Variants in SV2B observed in about 807,000 individuals in gnomAD.
SV2B encodes synaptic vesicle glycoprotein 2B, also known as solute carrier family 22 member B2.
A neutral mutation model predicts 73.9 loss-of-function variants in SV2B; 41 were observed. The observed-to-expected ratio is 0.56, with a 90% CI of 0.43 to 0.72. SV2B has a LOEUF of 0.72. SV2B is among the 30% of genes least tolerant of loss of function. The probability of loss-of-function intolerance (pLI) is 0.00; values close to 1 mark genes in which losing one functional copy is unlikely to be tolerated. For synonymous variants in SV2B, 314 were observed against 314.2 expected (o/e 1.00, Z 0.01); for missense variants, 764 against 857.8 (o/e 0.89, Z 1.37).
chr15:91,195,054 T>C (rs936609617), intron 1 of SV2B, among the ~76,000 whole-genome samples: 36 of 152,168 alleles, frequency 2.4e-4, no homozygotes, highest in African/African-American at 8.5e-4. Flanking sequence ...AACTCTTACT[T>C]GTTTTAAGTC....
At chr15:91,190,952 A>G (rs2044987835) in intron 1 of SV2B, among the ~76,000 whole-genome samples, 1 of 149,750 alleles carries the variant, frequency 6.7e-6, no homozygotes, top group African/African-American at 2.5e-5. Context: ...TTCTTGATCT[A>G]GTGTTTTGTC....
At chr15:91,188,221 G>A (rs1204755690) in intron 1 of SV2B, among the ~76,000 whole-genome samples, 1 of 152,048 alleles carries the variant, frequency 6.6e-6, no homozygotes, top group East Asian at 1.9e-4. Flanking sequence ...GGGACTGTCT[G>A]TAGATTATGT....
rs911748349 is a variant in SV2B, at chr15:91,137,683, TACAC to T, written c.-392+37332_-392+37335del. 7.8e-4 allele frequency among the ~76,000 whole-genome samples: 115 copies of T among 148,302 alleles called. No individual in the cohort carries two copies. Among genetic ancestry groups the T allele is most frequent in the Non-Finnish European group, 1.4e-3 (94 of 67,244 alleles). On this transcript the variant is annotated intron_variant, in intron 1 of 12. Coordinates refer to ENST00000394232, the MANE Select transcript of SV2B (RefSeq NM_001323032.3). This position sits in a 1 kb window ranked among gnomAD's most constrained non-coding sequence, Gnocchi z 4.9. ...TATATACATATATTTCATATATATA[TACAC>T]ACACACACACATTTGCACAGGTTAT... is the stretch of plus-strand genomic sequence containing the variant.
rs2048130367 is a variant in SV2B, at chr15:91,267,060, C to G, written c.1119+368C>G. 5.3e-6 allele frequency: 1 copy of G among 186,988 alleles called. No homozygotes were observed. The highest frequency in any genetic ancestry group is 1.1e-5 in the Non-Finnish European group (1 of 90,906). 11.6% of individuals were successfully genotyped at this position (186,988 alleles called of 1,614,324 possible). A position where few individuals can be genotyped will look rare whatever the true frequency, so the allele number is the denominator to read the frequency against. ...CCCCTTGAGGCTTGTTCTTGATTTC[C>G]AAGAAACATTTTTCTAAAAGGGCAA... On this transcript the variant is annotated intron_variant, in intron 7 of 12. Coordinates refer to ENST00000394232, the MANE Select transcript of SV2B (RefSeq NM_001323032.3). The surrounding 1 kb of genome is among the most constrained non-coding windows in gnomAD (Gnocchi z 4.3).
At chr15:91,255,574 T>C (rs926830615) in intron 4 of SV2B, among the ~76,000 whole-genome samples, 1 of 152,092 alleles carries the variant, frequency 6.6e-6, no homozygotes, top group Non-Finnish European at 1.5e-5. Context: ...ACTAGAGAAC[T>C]TACTCATGTA....
chr15:91,251,816 C>T lies in SV2B; in HGVS notation c.452-3C>T, dbSNP rs756099651. 10 of 1,613,810 alleles carry T rather than the reference C, an allele frequency of 6.2e-6. No individual in the cohort carries two copies. In the African/African-American group the frequency reaches 9.3e-5, roughly 15 times the overall value. On this transcript the variant is annotated splice_region_variant and splice_polypyrimidine_tract_variant and intron_variant, in intron 2 of 12. Coordinates refer to ENST00000394232, the MANE Select transcript of SV2B (RefSeq NM_001323032.3). ...TTCTCTCCTCTCCTCCCCCTCATTG[C>T]AGGGATGATAGTCTACTTGGGAATG...
chr15:91,111,829 A>T (rs2042043178), intron 1 of SV2B, among the ~76,000 whole-genome samples: 1 of 152,140 alleles, frequency 6.6e-6, no homozygotes, highest in Admixed American at 6.5e-5. Context: ...AGGCAAAGAG[A>T]CAGCAGGCAT....
rs2042138823 is a variant in SV2B, at chr15:91,115,012, G to T, written c.-392+14649G>T. 6.6e-6 allele frequency among the ~76,000 whole-genome samples: 1 copy of T among 152,120 alleles called. No homozygotes were observed. Among genetic ancestry groups the T allele is most frequent in the Non-Finnish European group, 1.5e-5 (1 of 68,010 alleles). On this transcript the variant is annotated intron_variant, in intron 1 of 12. Coordinates refer to ENST00000394232, the MANE Select transcript of SV2B (RefSeq NM_001323032.3). This position sits in a 1 kb window ranked among gnomAD's most constrained non-coding sequence, Gnocchi z 4.3. ...CTGGGGTCACATGCCCATTCCTGAG[G>T]GCACCATCACTATGACTCCCAAGAT...
chr15:91,267,421 G>C lies in SV2B; in HGVS notation c.1120-134G>C. On this transcript the variant is annotated intron_variant, in intron 7 of 12. Coordinates refer to ENST00000394232, the MANE Select transcript of SV2B (RefSeq NM_001323032.3). The surrounding 1 kb of genome is among the most constrained non-coding windows in gnomAD (Gnocchi z 4.3). ...ATTTGGACAGTTTTGCTGCCTCTAG[G>C]AGACAGTGGGGTACCGGTTCTCTCC... 1.4e-6 allele frequency: 1 copy of C among 716,086 alleles called. No homozygotes were observed. The highest frequency in any genetic ancestry group is 2.4e-6 in the Non-Finnish European group (1 of 411,904). 44.4% of individuals were successfully genotyped at this position (716,086 alleles called of 1,614,324 possible).
In SV2B at chr15:91,258,138, C is replaced by G. The variant is rs181013917; in HGVS notation, c.785-283C>G. 2.7e-3 allele frequency among the ~76,000 whole-genome samples: 417 copies of G among 152,334 alleles called. 2 individuals are homozygous for G. The highest frequency in any genetic ancestry group is 6.8e-3 in the Middle Eastern group (2 of 294). The stretch of plus-strand genomic sequence containing the variant: ...AGGCTCTGTAAATGTCAGGCCAGGC[C>G]TGGACCTGGGGATTTGTCAGAATGC... On this transcript the variant is annotated intron_variant, in intron 4 of 12. Coordinates refer to ENST00000394232, the MANE Select transcript of SV2B (RefSeq NM_001323032.3). The surrounding 1 kb of genome is among the most constrained non-coding windows in gnomAD (Gnocchi z 4.7).
rs571123025 is a variant in SV2B at position 91,294,547 on chromosome 15, A to G, written c.*1995A>G. 6.6e-6 allele frequency: 1 copy of G among 152,346 alleles called. No individual in the cohort carries two copies. Among genetic ancestry groups the G allele is most frequent in the African/African-American group, 2.4e-5 (1 of 41,586 alleles). The allele number at this position is 152,346 out of a possible 1,614,324, so 9.4% of individuals were successfully genotyped here. ...TCAATAATGAAAGGCTCGATGTAAT[A>G]TAGCTGTAATTTACTTTCCATATGA... On this transcript the variant is annotated 3_prime_UTR_variant, in exon 13 of 13. Coordinates refer to ENST00000394232, the MANE Select transcript of SV2B (RefSeq NM_001323032.3). The surrounding 1 kb of genome is among the most constrained non-coding windows in gnomAD (Gnocchi z 4.1).
intron 12 of SV2B, among the ~76,000 whole-genome samples, chr15:91,292,103 AAAAC>A (rs1408877220): frequency 6.6e-6 from 1 of 152,194 alleles, no homozygotes; most frequent in Non-Finnish European, 1.5e-5. Context: ...CTTTGAAAAA[AAAAC>A]AAAAAAGAAA....
chr15:91,184,301 A>T (rs1258884507), intron 1 of SV2B, among the ~76,000 whole-genome samples: 4 of 152,224 alleles, frequency 2.6e-5, no homozygotes, highest in African/African-American at 9.6e-5. Flanking sequence ...GGAGTCAGTC[A>T]GATGAGATTT....
intron 1 of SV2B, among the ~76,000 whole-genome samples, chr15:91,119,338 G>T (rs2151741552): frequency 6.6e-6 from 1 of 152,292 alleles, no homozygotes; most frequent in South Asian, 2.1e-4. Flanking sequence ...CAGAGCTACG[G>T]CCAGCAATTC....
In SV2B at chr15:91,252,609, G is replaced by A. The variant is rs1567396132; in HGVS notation, c.784+89G>A. 1 of 1,397,404 alleles carries A rather than the reference G, an allele frequency of 7.2e-7. No individual in the cohort carries two copies. The highest frequency in any genetic ancestry group is 2.6e-5 in the East Asian group (1 of 38,838). The allele number at this position is 1,397,404 out of a possible 1,614,324, so 86.6% of individuals were successfully genotyped here. On this transcript the variant is annotated intron_variant, in intron 4 of 12. Coordinates refer to ENST00000394232, the MANE Select transcript of SV2B (RefSeq NM_001323032.3). The surrounding 1 kb of genome is among the most constrained non-coding windows in gnomAD (Gnocchi z 4.6). ...GTTCCTGTCCTCAGCCTTATTCCAT[G>A]TACTCACGCACAGTTCCCGTACGTG...
chr15:91,209,135 T>C (rs1355206740), intron 1 of SV2B, among the ~76,000 whole-genome samples: 18 of 144,458 alleles, frequency 1.2e-4, no homozygotes, highest in Non-Finnish European at 2.4e-4. Context: ...TTTTTTTTTT[T>C]TTTTGAGACA....
chr15:91,272,744 G>C (rs1252365805), intron 9 of SV2B, among the ~76,000 whole-genome samples: 1 of 151,206 alleles, frequency 6.6e-6, no homozygotes, highest in Non-Finnish European at 1.5e-5. Context: ...ACACACAATA[G>C]AACAGAGGTT....
At chr15:91,210,673 T>G (rs2045823308) in intron 1 of SV2B, among the ~76,000 whole-genome samples, 1 of 152,170 alleles carries the variant, frequency 6.6e-6, no homozygotes, top group South Asian at 2.1e-4. Context: ...TTCTTGAGTC[T>G]TTTAGGAAGA....
At chr15:91,277,621 T>G (rs2048536230) in intron 9 of SV2B, among the ~76,000 whole-genome samples, 2 of 152,238 alleles carry the variant, frequency 1.3e-5, no homozygotes, top group Admixed American at 1.3e-4. Flanking sequence ...ATCCATGTTA[T>G]TGCATTTTTA....
Sources: allele counts gnomAD v4.1 joint callset (sites outside exome capture counted in the v4.1 genomes callset), GRCh38; gene constraint gnomAD v4.1.1; non-coding constraint Gnocchi (gnomAD v3.1); transcripts MANE v1.5; gene names NCBI Gene and HGNC (gene_info 2026-07-23, HGNC 2026-07-21).